The following BAZ1A variants were observed in gnomAD, a reference collection of about 807,000 sequenced individuals.
The protein encoded by BAZ1A is bromodomain adjacent to zinc finger domain 1A.
BAZ1A carries 50 observed loss-of-function variants against 185.2 expected under a neutral mutation model. That is an observed-to-expected ratio of 0.27 (90% CI 0.22 to 0.34). The LOEUF is 0.34. BAZ1A is among the 10% of genes least tolerant of loss of function. The probability of loss-of-function intolerance (pLI) is 1.00; values close to 1 mark genes in which losing one functional copy is unlikely to be tolerated. For missense variants in BAZ1A, 1,356 were observed against 1,839.9 expected, an observed-to-expected ratio of 0.74 and a Z score of 4.81; for synonymous variants, 571 against 615.6, an observed-to-expected ratio of 0.93 and a Z score of 1.07.
At chr14:34,774,215 C>T (rs1879436793) in intron 19 of BAZ1A, 112 bp downstream of exon 19, 1 of 764,950 alleles carries the variant, frequency 1.3e-6, no homozygotes, top group Non-Finnish European at 1.9e-6. Context: ...TTATCATTCT[C>T]TGGTGTTTAT....
intron 3 of BAZ1A, among the ~76,000 whole-genome samples, chr14:34,839,123 C>G (rs1359908527): frequency 6.6e-6 from 1 of 152,078 alleles, no homozygotes; most frequent in Non-Finnish European, 1.5e-5. Context: ...GGACAGAAAA[C>G]AGATCAGTGG....
At position 34,783,342 on chromosome 14, in the gene BAZ1A, A is replaced by G. The variant is rs540204444; in HGVS notation, c.1998-110T>C. On this transcript the variant is annotated intron_variant, in intron 15 of 26. Transcript: ENST00000360310. Reference sequence around the variant, plus strand: ...AAAGTACTTCAAACATTATTATAAAACTATAATGTAGTAATCATTCATAAG... The same window carrying G: ...AAAGTACTTCAAACATTATTATAAAGCTATAATGTAGTAATCATTCATAAG... The G allele has an allele frequency of 5.1e-4, 354 of 690,372 alleles. 1 individual carries two copies. Among genetic ancestry groups the G allele is most frequent in the Middle Eastern group, 5.0e-3 (12 of 2,386 alleles). 42.8% of individuals were successfully genotyped at this position (690,372 alleles called of 1,614,324 possible).
chr14:34,792,588 C>T (rs1179427722), intron 12 of BAZ1A, among the ~76,000 whole-genome samples, 187 bp downstream of exon 12: 1 of 152,148 alleles, frequency 6.6e-6, no homozygotes, highest in East Asian at 1.9e-4. Flanking sequence ...TTGTCAGACA[C>T]AGGTTATATC....
At chr14:34,791,655 T>A (rs1013494330) in intron 12 of BAZ1A, among the ~76,000 whole-genome samples, 3 of 152,212 alleles carry the variant, frequency 2.0e-5, no homozygotes, top group Non-Finnish European at 4.4e-5. Context: ...TGTCCCATCT[T>A]TCTGTACCAA....
At chr14:34,832,213 C>CATATAT (rs1491212993) in intron 3 of BAZ1A, among the ~76,000 whole-genome samples, 9 of 78,626 alleles carry the variant, frequency 1.1e-4, no homozygotes, top group Non-Finnish European at 2.0e-4. Flanking sequence ...CACACACACA[C>CATATAT]ACATATATAT....
At chr14:34,806,397 A>G (rs768623181) in intron 6 of BAZ1A, among the ~76,000 whole-genome samples, 6 of 152,080 alleles carry the variant, frequency 3.9e-5, no homozygotes, top group Non-Finnish European at 8.8e-5. Context: ...TTTATCACCC[A>G]GGTTTTAAGC....
chr14:34,790,052 T>C (rs1172340563), intron 12 of BAZ1A, among the ~76,000 whole-genome samples: 3 of 152,218 alleles, frequency 2.0e-5, no homozygotes, highest in African/African-American at 7.2e-5. Flanking sequence ...TTATTAGCTA[T>C]GTGATCTTCA....
At position 34,786,203 on chromosome 14, in the gene BAZ1A, T is replaced by C; in HGVS notation, c.1529A>G (p.Asp510Gly). The C allele has an allele frequency of 6.2e-7, 1 of 1,612,214 alleles. No individual in the cohort carries two copies. The highest frequency in any genetic ancestry group is 2.2e-5 in the East Asian group (1 of 44,858). Reference sequence around the variant, plus strand: ...AGATTTTGTGGGGTCTGCATCTTCATCCAAAGCCTCTGTTAAATCTTTAAG... The same window carrying C: ...AGATTTTGTGGGGTCTGCATCTTCACCCAAAGCCTCTGTTAAATCTTTAAG... ...ADTKDLTEALDEDADPTKSAL... is the reference protein window; with the variant it reads ...ADTKDLTEALGEDADPTKSAL... The change falls in exon 13 of 27, where the codon GAT becomes GGT. Residue 510 changes from aspartate to glycine, a missense_variant. Asp to Gly is a moderately conservative substitution (Grantham distance 94). Around this residue, in one of 7 missense-constraint regions of BAZ1A, gnomAD observed 184 missense variants for 355.1 expected, o/e 0.52. Transcript: ENST00000360310.
At chr14:34,818,415 TG>T (rs2042037410) in intron 4 of BAZ1A, among the ~76,000 whole-genome samples, 1 of 152,218 alleles carries the variant, frequency 6.6e-6, no homozygotes, top group Admixed American at 6.5e-5. Context: ...ACACTGTGAA[TG>T]TAATTGATGC....
At chr14:34,787,351 C>CAAAAA (rs918534072) in intron 12 of BAZ1A, among the ~76,000 whole-genome samples, 3 of 41,486 alleles carry the variant, frequency 7.2e-5, no homozygotes, top group African/African-American at 1.5e-4. Context: ...GACTCTGTCT[C>CAAAAA]AAAAAAAAAA....
At chr14:34,835,386 GT>G (rs1265440863) in intron 3 of BAZ1A, among the ~76,000 whole-genome samples, 3 of 151,736 alleles carry the variant, frequency 2.0e-5, no homozygotes, top group Non-Finnish European at 4.4e-5. Flanking sequence ...TTTGCTCTCA[GT>G]CACACAACCA....
rs746773957 is a variant in BAZ1A, at chr14:34,776,168, G to C, written c.2584C>G (p.Pro862Ala). 7.4e-6 allele frequency: 12 copies of C among 1,614,004 alleles called. No individual in the cohort carries two copies. The highest frequency in any genetic ancestry group is 5.3e-5 in the African/African-American group (4 of 74,908). ...DPQVSTKTGEPLMSESTSNID... is the reference protein window; with the variant it reads ...DPQVSTKTGEALMSESTSNID... The stretch of plus-strand genomic sequence containing the variant: ...TTGGAGGTAGATTCAGACATCAAAG[G>C]CTCTCCAGTTTTAGTGGATACCTGA... Residue 862 changes from proline to alanine, a missense_variant, in exon 18 of 27, where the codon CCT becomes GCT. By Grantham distance (27) the Pro-to-Ala change is conservative (BLOSUM62 -1). Transcript: ENST00000360310.
chr14:34,793,260 ATTGT>A (rs1880966182), intron 11 of BAZ1A, among the ~76,000 whole-genome samples: 3 of 152,326 alleles, frequency 2.0e-5, no homozygotes, highest in African/African-American at 7.2e-5. Flanking sequence ...AATATTTGTT[ATTGT>A]GCCACTGTTC....
At chr14:34,794,247 C>T (rs946260781) in intron 11 of BAZ1A, among the ~76,000 whole-genome samples, 1 of 152,164 alleles carries the variant, frequency 6.6e-6, no homozygotes, top group African/African-American at 2.4e-5. Flanking sequence ...CAAATCTTTC[C>T]TTATACTATA....
intron 18 of BAZ1A, among the ~76,000 whole-genome samples, chr14:34,774,984 G>T (rs1270175536): frequency 6.6e-6 from 1 of 152,188 alleles, no homozygotes; most frequent in African/African-American, 2.4e-5. Flanking sequence ...GGAGACCAAG[G>T]CGGGTGGATT....
intron 9 of BAZ1A, among the ~76,000 whole-genome samples, chr14:34,796,472 T>A (rs1373092578): frequency 6.6e-6 from 1 of 152,226 alleles, no homozygotes; most frequent in Non-Finnish European, 1.5e-5. Context: ...ATTTTCAAGA[T>A]TCATTTGAAT....
intron 3 of BAZ1A, among the ~76,000 whole-genome samples, chr14:34,850,858 C>T (rs896175206): frequency 6.6e-6 from 1 of 152,072 alleles, no homozygotes; most frequent in Admixed American, 6.6e-5. Flanking sequence ...TACGTTTTGA[C>T]AGATACATAG....
chr14:34,855,738 G>A lies in BAZ1A; in HGVS notation c.392+6306C>T, dbSNP rs1435795511. On this transcript the variant is annotated intron_variant, in intron 3 of 26. Transcript: ENST00000360310. ...CGAAACCCTGTCTCTACAAAATACA[G>A]AAAAATTAAAAGGTAGCTGGGTGTG... is the stretch of plus-strand genomic sequence containing the variant. Among the ~76,000 whole-genome samples, 4 of 152,020 alleles carry A rather than the reference G, an allele frequency of 2.6e-5. No homozygotes were observed. In the East Asian group the frequency reaches 5.8e-4, roughly 22 times the overall value.
chr14:34,798,141 G>A (rs931395916), intron 9 of BAZ1A, among the ~76,000 whole-genome samples: 1 of 151,966 alleles, frequency 6.6e-6, no homozygotes, highest in Non-Finnish European at 1.5e-5. Flanking sequence ...CCACTGCTGA[G>A]GGGCGTGTCC....
Sources: gnomAD v4.1 joint callset for allele counts (sites outside exome capture counted in the v4.1 genomes callset) on GRCh38, gnomAD v4.1.1 for gene constraint, gnomAD v4.1.1 regional missense constraint, MANE v1.5 for transcripts, NCBI Gene and HGNC (gene_info 2026-07-23, HGNC 2026-07-21) for gene names.